The following PLPPR5 variants were observed in gnomAD, a reference collection of about 807,000 sequenced individuals.
PLPPR5 encodes phospholipid phosphatase-related protein type 5.
Under a neutral mutation model 33.9 loss-of-function variants are expected in PLPPR5, and 16 were observed. The observed-to-expected ratio is 0.47, with a 90% CI of 0.32 to 0.72. The LOEUF (loss-of-function observed/expected upper bound fraction) is 0.72. Ranked by LOEUF, PLPPR5 falls within the 30% of genes least tolerant of loss-of-function variation. PLPPR5 has a pLI of 0.03. For missense variants in PLPPR5, 301 were observed against 406.7 expected (o/e 0.74, Z 2.23); for synonymous variants, 163 against 150.3 (o/e 1.08, Z -0.62).
chr1:98,943,927 G>A (rs1320261903), intron 3 of PLPPR5, among the ~76,000 whole-genome samples: 2 of 152,162 alleles, frequency 1.3e-5, no homozygotes, highest in Non-Finnish European at 2.9e-5. Context: ...ACCTGGTACA[G>A]GCAATTCCTT....
At chr1:98,922,452 T>C (rs1557670166) in intron 3 of PLPPR5, among the ~76,000 whole-genome samples, 1 of 152,192 alleles carries the variant, frequency 6.6e-6, no homozygotes, top group Non-Finnish European at 1.5e-5. Context: ...TTGAAGTGTT[T>C]AAGTGTTTTT....
At chr1:98,897,366 C>A (rs766235507) in intron 5 of PLPPR5, among the ~76,000 whole-genome samples, 1 of 152,188 alleles carries the variant, frequency 6.6e-6, no homozygotes, top group Non-Finnish European at 1.5e-5. Flanking sequence ...CTTGACCATT[C>A]TCAACAGGTT....
At chr1:98,916,882 T>C (rs922298672) in intron 4 of PLPPR5, among the ~76,000 whole-genome samples, 1 of 152,132 alleles carries the variant, frequency 6.6e-6, no homozygotes, top group African/African-American at 2.4e-5. Flanking sequence ...AAAATGGTGA[T>C]AAGAAAAAGT....
intron 1 of PLPPR5, among the ~76,000 whole-genome samples, chr1:98,975,381 T>C (rs964565600): frequency 6.6e-6 from 1 of 152,076 alleles, no homozygotes; most frequent in African/African-American, 2.4e-5. Context: ...TTCTCTTCCA[T>C]TGACAGAAAT....
chr1:98,971,241 C>T (rs1651647589), intron 1 of PLPPR5, among the ~76,000 whole-genome samples: 1 of 152,018 alleles, frequency 6.6e-6, no homozygotes, highest in African/African-American at 2.4e-5. Flanking sequence ...ATAATATTAA[C>T]AGGAAGTTCA....
rs540994052 is a variant in PLPPR5 at position 98,995,836 on chromosome 1, C to CT, written c.237+8598dup. ...ATGCACAGCAGAATTTGTTCTGACACTTGAATTTAATTCATTATAACATCA... is the reference window on the plus strand; with the variant it reads ...ATGCACAGCAGAATTTGTTCTGACACTTTGAATTTAATTCATTATAACATCA... On this transcript the variant is annotated intron_variant, in intron 1 of 5. Transcript: ENST00000263177. Among the ~76,000 whole-genome samples, 202 of 152,124 alleles carry CT rather than the reference C, an allele frequency of 1.3e-3. 2 individuals carry two copies. The highest frequency in any genetic ancestry group is 2.5e-3 in the Admixed American group (38 of 15,248).
intron 3 of PLPPR5, among the ~76,000 whole-genome samples, chr1:98,929,755 T>C (rs1382608699): frequency 6.6e-6 from 1 of 152,166 alleles, no homozygotes; most frequent in Non-Finnish European, 1.5e-5. Context: ...GACTCCCCCC[T>C]GACCCAATAA....
chr1:98,933,863 G>T (rs183794926), intron 3 of PLPPR5, among the ~76,000 whole-genome samples: 49 of 152,334 alleles, frequency 3.2e-4, no homozygotes, highest in African/African-American at 1.1e-3. Flanking sequence ...AACGTGAGCA[G>T]ATGTATCTGG....
chr1:98,963,176 A>G (rs376046450), intron 1 of PLPPR5, among the ~76,000 whole-genome samples: 2 of 152,136 alleles, frequency 1.3e-5, no homozygotes, highest in African/African-American at 4.8e-5. Flanking sequence ...ATGGCTTAGT[A>G]TATCTTGGTA....
chr1:98,988,792 T>C (rs1304055218), intron 1 of PLPPR5, among the ~76,000 whole-genome samples: 4 of 152,176 alleles, frequency 2.6e-5, no homozygotes, highest in Non-Finnish European at 5.9e-5. Context: ...CTTATGCCTC[T>C]ATTTTTCCCT....
intron 4 of PLPPR5, among the ~76,000 whole-genome samples, chr1:98,916,555 T>C (rs1649359753): frequency 6.6e-6 from 1 of 152,246 alleles, no homozygotes; most frequent in African/African-American, 2.4e-5. Context: ...CAACTCCACC[T>C]TTTTGGTGCA....
intron 3 of PLPPR5, among the ~76,000 whole-genome samples, chr1:98,922,997 A>G (rs1649625095): frequency 9.4e-6 from 1 of 105,930 alleles, no homozygotes; most frequent in Non-Finnish European, 2.2e-5. Flanking sequence ...AAACAACAAC[A>G]ACAACAAAAA....
chr1:98,998,133 G>C (rs771548588), intron 1 of PLPPR5, among the ~76,000 whole-genome samples: 2 of 152,060 alleles, frequency 1.3e-5, no homozygotes, highest in Non-Finnish European at 2.9e-5. Flanking sequence ...AAGAAAGGGA[G>C]GGAAACAGGA....
At chr1:98,956,536 G>C in intron 2 of PLPPR5, 73 bp downstream of exon 2, 3 of 1,368,704 alleles carry the variant, frequency 2.2e-6, no homozygotes, top group Non-Finnish European at 2.9e-6. Flanking sequence ...GTTAACATGT[G>C]GGTTATTTTA....
chr1:98,900,761 A>G (rs1173171387), intron 5 of PLPPR5, among the ~76,000 whole-genome samples: 1 of 152,136 alleles, frequency 6.6e-6, no homozygotes, highest in African/African-American at 2.4e-5. Flanking sequence ...GTGCATGATA[A>G]ATTCTTGTAG....
At chr1:98,927,090 A>T (rs2101169771) in intron 3 of PLPPR5, among the ~76,000 whole-genome samples, 1 of 152,344 alleles carries the variant, frequency 6.6e-6, no homozygotes, top group Non-Finnish European at 1.5e-5. Flanking sequence ...ATGGTGGTAC[A>T]ATAAGCAGTG....
chr1:98,960,467 G>A (rs145467930), intron 1 of PLPPR5, among the ~76,000 whole-genome samples: 2,448 of 152,226 alleles, frequency 0.016, 24 homozygotes, highest in African/African-American at 0.018. Context: ...GCCTCCCGAC[G>A]TGCTAGGATT....
At chr1:98,943,281 C>G (rs990146210) in intron 3 of PLPPR5, among the ~76,000 whole-genome samples, 5 of 152,116 alleles carry the variant, frequency 3.3e-5, no homozygotes, top group Non-Finnish European at 5.9e-5. Context: ...AGGGAAGGAC[C>G]CTGAAACTCT....
intron 5 of PLPPR5, among the ~76,000 whole-genome samples, chr1:98,898,708 CAT>C (rs761816347): frequency 6.6e-6 from 1 of 152,156 alleles, no homozygotes; most frequent in Non-Finnish European, 1.5e-5. Context: ...TAAAAGCTAT[CAT>C]GTGACAGAAC....
Sources: gnomAD v4.1 joint callset for allele counts (sites outside exome capture counted in the v4.1 genomes callset) on GRCh38, gnomAD v4.1.1 for gene constraint, MANE v1.5 for transcripts, NCBI Gene and HGNC (gene_info 2026-07-23, HGNC 2026-07-21) for gene names.